COL21A1: variants seen among roughly 807,000 people sequenced by gnomAD.
The protein encoded by COL21A1 is collagen type XXI alpha 1 chain, also known as collagen alpha-1(XXI) chain.
COL21A1 carries 149 observed loss-of-function variants against 137.9 expected under a neutral mutation model. The ratio of observed to expected loss-of-function variants is 1.08; its 90% confidence interval spans 0.95 to 1.24. The LOEUF (loss-of-function observed/expected upper bound fraction) is 1.24, where lower values mean the gene tolerates loss of function less well. Among genes scored for constraint, COL21A1 ranks in the 50% most tolerant of loss-of-function variants. The pLI is 0.00. For missense variants in COL21A1, 1,167 were observed against 1,158.4 expected (o/e 1.01, Z -0.11); for synonymous variants, 456 against 391.5 (o/e 1.16, Z -1.95).
chr6:56,121,862 T>C (rs1772571331), intron 16 of COL21A1, among the ~76,000 whole-genome samples: 1 of 151,954 alleles, frequency 6.6e-6, no homozygotes, highest in African/African-American at 2.4e-5. Flanking sequence ...TTTCAATTCA[T>C]GAATGTTTCC....
chr6:56,086,626 G>C (rs1459380037), intron 17 of COL21A1, among the ~76,000 whole-genome samples: 1 of 152,082 alleles, frequency 6.6e-6, no homozygotes, highest in African/African-American at 2.4e-5. Flanking sequence ...TGGTCTTGCT[G>C]TCTCAAGGGG....
chr6:56,141,963 C>G lies in COL21A1; in HGVS notation c.1455G>C (p.Gly485=). The G allele has an allele frequency of 6.5e-7, 1 of 1,536,206 alleles. No individual in the cohort carries two copies. Among genetic ancestry groups the G allele is most frequent in the African/African-American group, 1.4e-5 (1 of 72,710 alleles). ...DGKPGYQGIA[G]TPGVPGSPGI... ...CTGGAGATCCTGGAACACCTGGTGT[C>G]CCTGCAATTCCCTGATATCCCTAAA... The change falls in exon 11 of 30, where the codon GGG becomes GGC. Residue 485 remains glycine (G), a synonymous_variant. Transcript: ENST00000244728.
At chr6:56,156,266 C>A (rs1305585519) in intron 10 of COL21A1, among the ~76,000 whole-genome samples, 1 of 152,180 alleles carries the variant, frequency 6.6e-6, no homozygotes, top group Non-Finnish European at 1.5e-5. Flanking sequence ...GACTAGAACA[C>A]TAACTCTCTT....
chr6:56,361,973 A>T (rs1765982192), intron 1 of COL21A1, among the ~76,000 whole-genome samples: 1 of 152,176 alleles, frequency 6.6e-6, no homozygotes, highest in Non-Finnish European at 1.5e-5. Flanking sequence ...TTGGCCTTCC[A>T]TCAGGAACAG....
intron 10 of COL21A1, among the ~76,000 whole-genome samples, chr6:56,149,228 C>T (rs1775088993): frequency 6.6e-6 from 1 of 152,030 alleles, no homozygotes; most frequent in Non-Finnish European, 1.5e-5. Context: ...ACTTAATAGG[C>T]ATTAAAGATC....
At chr6:56,062,957 A>G (rs1765939972) in intron 24 of COL21A1, among the ~76,000 whole-genome samples, 1 of 152,180 alleles carries the variant, frequency 6.6e-6, no homozygotes, top group African/African-American at 2.4e-5. Context: ...GACTCCATTC[A>G]CAAAACGAGG....
chr6:56,265,155 G>A (rs1763366165), intron 1 of COL21A1, among the ~76,000 whole-genome samples: 2 of 152,210 alleles, frequency 1.3e-5, no homozygotes, highest in Admixed American at 1.3e-4. Flanking sequence ...GGAAGCGGAA[G>A]TCTTCAAGCT....
chr6:56,203,041 T>C (rs949053983), intron 1 of COL21A1, among the ~76,000 whole-genome samples: 89 of 152,324 alleles, frequency 5.8e-4, no homozygotes, highest in Middle Eastern at 3.4e-3. Flanking sequence ...CCTAATTTCT[T>C]ACTTGTTTTT....
At chr6:56,371,656 G>A (rs1026737533) in intron 1 of COL21A1, among the ~76,000 whole-genome samples, 1 of 152,190 alleles carries the variant, frequency 6.6e-6, no homozygotes, top group Non-Finnish European at 1.5e-5. Context: ...TGCAGAATCT[G>A]CAGTTCAGCC....
At chr6:56,097,573 A>T (rs575300045) in intron 17 of COL21A1, among the ~76,000 whole-genome samples, 291 of 150,540 alleles carry the variant, frequency 1.9e-3, no homozygotes, top group African/African-American at 6.7e-3. Context: ...AAAGGGCCAC[A>T]CTCCCTGGAA....
At chr6:56,145,522 A>G (rs1012838655) in intron 10 of COL21A1, among the ~76,000 whole-genome samples, 1 of 152,182 alleles carries the variant, frequency 6.6e-6, no homozygotes, top group Non-Finnish European at 1.5e-5. Context: ...AAAGGGGAAT[A>G]TTACAACACA....
At chr6:56,284,566 T>A (rs1323541254) in intron 1 of COL21A1, among the ~76,000 whole-genome samples, 1 of 152,150 alleles carries the variant, frequency 6.6e-6, no homozygotes, top group African/African-American at 2.4e-5. Context: ...CCTGGACTAG[T>A]GCAATAGCCT....
intron 1 of COL21A1, among the ~76,000 whole-genome samples, chr6:56,321,970 A>C (rs1418552157): frequency 1.3e-5 from 2 of 152,136 alleles, no homozygotes; most frequent in African/African-American, 4.8e-5. Context: ...ATGCAACAAC[A>C]ACCAACCATT....
chr6:56,338,045 C>T (rs553134650), intron 1 of COL21A1, among the ~76,000 whole-genome samples: 58 of 150,728 alleles, frequency 3.8e-4, no homozygotes, highest in African/African-American at 1.3e-3. Context: ...TCACTGCAAC[C>T]TCCGCCTCCC....
chr6:56,235,439 C>T (rs1249145284), intron 1 of COL21A1, among the ~76,000 whole-genome samples: 1 of 151,884 alleles, frequency 6.6e-6, no homozygotes, highest in East Asian at 1.9e-4. Flanking sequence ...TGTTTGTGAG[C>T]ACTTACAAAA....
chr6:56,137,182 A>G (rs2152231195), intron 12 of COL21A1, among the ~76,000 whole-genome samples: 1 of 152,266 alleles, frequency 6.6e-6, no homozygotes, highest in Non-Finnish European at 1.5e-5. Flanking sequence ...TTACTTCACA[A>G]TTAATCTAAA....
At chr6:56,085,031 C>T (rs781040411) in intron 17 of COL21A1, among the ~76,000 whole-genome samples, 52 of 152,020 alleles carry the variant, frequency 3.4e-4, no homozygotes, top group Admixed American at 1.3e-4. Flanking sequence ...TTAAGGAGCA[C>T]TTTCTTTCAC....
intron 12 of COL21A1, among the ~76,000 whole-genome samples, chr6:56,138,001 C>G (rs1774125267): frequency 6.6e-6 from 1 of 152,116 alleles, no homozygotes. Context: ...GAGGGCAAAG[C>G]TAGTGCTGTT....
At chr6:56,336,132 C>T (rs1765326398) in intron 1 of COL21A1, among the ~76,000 whole-genome samples, 1 of 152,226 alleles carries the variant, frequency 6.6e-6, no homozygotes. Flanking sequence ...TCTCAAAGTA[C>T]ATCAGCCTCA....
Sources: gnomAD v4.1 joint callset for allele counts (sites outside exome capture counted in the v4.1 genomes callset) on GRCh38, gnomAD v4.1.1 for gene constraint, MANE v1.5 for transcripts, NCBI Gene and HGNC (gene_info 2026-07-23, HGNC 2026-07-21) for gene names.